The following FAM120AOS variants were observed in gnomAD, a reference collection of about 807,000 sequenced individuals.
FAM120AOS encodes family with sequence similarity 120 member A opposite strand.
FAM120AOS carries 15 observed loss-of-function variants against 20.2 expected under a neutral mutation model. The observed-to-expected ratio is 0.74, with a 90% CI of 0.50 to 1.15. The LOEUF is 1.15. Among genes scored for constraint, FAM120AOS ranks in the 50% most tolerant of loss-of-function variants. FAM120AOS has a pLI of 0.00. For missense variants in FAM120AOS, 327 were observed against 351.9 expected, an observed-to-expected ratio of 0.93 and a Z score of 0.57; for synonymous variants, 154 against 154.0, an observed-to-expected ratio of 1.00 and a Z score of 0.00.
chr9:93,452,517 G>A lies in FAM120AOS; in HGVS notation c.193C>T (p.Arg65Trp), dbSNP rs372504822. The change falls in exon 1 of 3, where the codon CGG (arginine) becomes TGG (tryptophan). Residue 65 changes from arginine to tryptophan, a missense_variant. Coordinates refer to ENST00000375412, the MANE Select transcript of FAM120AOS (RefSeq NM_198841.4). The surrounding 1 kb of genome is among the most constrained non-coding windows in gnomAD (Gnocchi z 7.0). ...ILQPGPARLS[R>W]ARAGGTRCPQ... ...CAGCGAGTTCCCCCAGCCCTTGCCC[G>A]GGATAGCCTGGCCGGGCCGGGCTGC... 35 of 1,552,644 alleles carry A rather than the reference G, an allele frequency of 2.3e-5. 3 individuals are homozygous for A. The highest frequency in any genetic ancestry group is 1.5e-4 in the African/African-American group (11 of 73,756).
In FAM120AOS at chr9:93,453,019, T is replaced by C. The variant is rs372296388; in HGVS notation, c.-310A>G. On this transcript the variant is annotated 5_prime_UTR_variant, in exon 1 of 3. Transcript: ENST00000375412. ...GGTGTTTAGAGAATCTTTCTATGGC[T>C]TTTTGTGTTAGATTTCAAAGACCCG... is the stretch of plus-strand genomic sequence containing the variant. The C allele has an allele frequency of 2.7e-5, 32 of 1,183,388 alleles. No homozygotes were observed. The East Asian group carries it at 3.4e-4, about 12-fold the overall frequency. The allele number at this position is 1,183,388 out of a possible 1,614,324, so 73.3% of individuals were successfully genotyped here.
chr9:93,451,275 C>G, intron 1 of FAM120AOS: 1 of 1,479,968 alleles, frequency 6.8e-7, no homozygotes, highest in Non-Finnish European at 9.0e-7. Context: ...GGCTCCCCTT[C>G]AAAGCGCCAT....
chr9:93,449,892 C>A (rs1358023172), intron 2 of FAM120AOS, among the ~76,000 whole-genome samples: 3 of 152,232 alleles, frequency 2.0e-5, no homozygotes, highest in Non-Finnish European at 4.4e-5. Flanking sequence ...AACTACTACT[C>A]CTCACCTTGT....
intron 1 of FAM120AOS, chr9:93,451,164 T>TCCCGGAC: frequency 6.5e-7 from 1 of 1,550,220 alleles, no homozygotes; most frequent in Non-Finnish European, 8.7e-7. Flanking sequence ...CATCCCGCTC[T>TCCCGGAC]CCCGGACCCC....
chr9:93,446,374 AG>A lies in FAM120AOS; in HGVS notation c.*1236del, dbSNP rs529947283. ...TATGAGAGACTTGCTTCCTCTGGAA[AG>A]ATCTTTATGGTTTACACAAATGTAA... On this transcript the variant is annotated 3_prime_UTR_variant, in exon 3 of 3. Coordinates refer to ENST00000375412, the MANE Select transcript of FAM120AOS (RefSeq NM_198841.4). The A allele has an allele frequency of 9.8e-5, 15 of 152,318 alleles. No homozygotes were observed. The highest frequency in any genetic ancestry group is 3.4e-4 in the African/African-American group (14 of 41,572). 9.4% of individuals were successfully genotyped at this position (152,318 alleles called of 1,614,324 possible). A position where few individuals can be genotyped will look rare whatever the true frequency, so the allele number is the denominator to read the frequency against.
Position 93,452,679 on chromosome 9 carries a change from C to T in FAM120AOS, c.31G>A (p.Asp11Asn), listed in dbSNP as rs1432519230. The T allele has an allele frequency of 4.4e-6, 7 of 1,598,652 alleles. No homozygotes were observed. The highest frequency in any genetic ancestry group is 5.9e-6 in the Non-Finnish European group (7 of 1,179,924). ...GACCAGAATTCGGAGGCGACAGTGT[C>T]ATCATCCCCAATATCCTTAGTTTTT... MGKTKDIGDD[D>N]TVASEFWSGA... The change falls in exon 1 of 3, where the codon GAC becomes AAC. Residue 11 changes from aspartate to asparagine, a missense_variant. Asp to Asn is a conservative substitution (Grantham distance 23, BLOSUM62 1). Around this residue, in one of 3 missense-constraint regions of FAM120AOS, gnomAD observed 155 missense variants for 128.8 expected, o/e 1.20. Transcript: ENST00000375412. This position sits in a 1 kb window ranked among gnomAD's most constrained non-coding sequence, Gnocchi z 7.0.
rs1857359761 is a variant in FAM120AOS at position 93,453,152 on chromosome 9, A to C, written c.-443T>G. On this transcript the variant is annotated 5_prime_UTR_variant, in exon 1 of 3. Transcript: ENST00000375412. ...AGATCCCATGCGAAAGGAGTCGCTC[A>C]AAATCAGGGGGCGAACTACGCGGGC... is the stretch of plus-strand genomic sequence containing the variant. 1 of 1,003,420 alleles carries C rather than the reference A, an allele frequency of 1.0e-6. No homozygotes were observed. The highest frequency in any genetic ancestry group is 1.7e-5 in the African/African-American group (1 of 57,484). The allele number at this position is 1,003,420 out of a possible 1,614,324, so 62.2% of individuals were successfully genotyped here.
intron 2 of FAM120AOS, among the ~76,000 whole-genome samples, chr9:93,448,079 C>A (rs1041770089): frequency 2.0e-5 from 3 of 152,224 alleles, no homozygotes; most frequent in Non-Finnish European, 2.9e-5. Flanking sequence ...GTCTGCTGGT[C>A]TCCCAACATC....
rs371697282 is a variant in FAM120AOS at position 93,443,477 on chromosome 9, A to G, written c.*4134T>C. 6.6e-6 allele frequency among the ~76,000 whole-genome samples: 1 copy of G among 152,366 alleles called. No homozygotes were observed. Among genetic ancestry groups the G allele is most frequent in the East Asian group, 1.9e-4 (1 of 5,196 alleles). ...CAGCACATGGCAGTTTCAGGTTGGA[A>G]GGTCATTTTTACAGTTCTGAACTGC... On this transcript the variant is annotated 3_prime_UTR_variant, in exon 3 of 3. Coordinates refer to ENST00000375412, the MANE Select transcript of FAM120AOS (RefSeq NM_198841.4).
At chr9:93,451,649 G>GC in intron 1 of FAM120AOS, 1 of 978,364 alleles carries the variant, frequency 1.0e-6, no homozygotes, top group Non-Finnish European at 1.2e-6. Context: ...AGCGCCGCCC[G>GC]CCCGCCCCGC....
chr9:93,449,429 A>C (rs145588998), intron 2 of FAM120AOS, among the ~76,000 whole-genome samples: 3 of 151,588 alleles, frequency 2.0e-5, no homozygotes, highest in Non-Finnish European at 4.4e-5. Flanking sequence ...AGAACCTTAG[A>C]CCTCTACAAT....
chr9:93,451,680 T>C, intron 1 of FAM120AOS: 1 of 961,638 alleles, frequency 1.0e-6, no homozygotes, highest in Non-Finnish European at 1.2e-6. Flanking sequence ...AGCCTCGGCC[T>C]CGGCCTCGGC....
At position 93,452,808 on chromosome 9, in the gene FAM120AOS, G is replaced by C. The variant is rs1857330164; in HGVS notation, c.-99C>G. 6.3e-7 allele frequency: 1 copy of C among 1,583,920 alleles called. No individual in the cohort carries two copies. The highest frequency in any genetic ancestry group is 1.3e-5 in the African/African-American group (1 of 74,472). On this transcript the variant is annotated 5_prime_UTR_variant, in exon 1 of 3. Transcript: ENST00000375412. The surrounding 1 kb of genome is among the most constrained non-coding windows in gnomAD (Gnocchi z 7.0). ...CTTTCCCAGCAACAGGTTCATCTTGGAAGCAGGCAGGATACAGAGTAATAG... is the reference window on the plus strand; with the variant it reads ...CTTTCCCAGCAACAGGTTCATCTTGCAAGCAGGCAGGATACAGAGTAATAG...
chr9:93,453,530 T>C lies in FAM120AOS; in HGVS notation c.-821A>G, dbSNP rs1857387066. ...CTGGAGCTGAAAGTTTGTGAAATTCTGTCTTCGCGGTTGCCCCCACTGCCC... is the reference window on the plus strand; with the variant it reads ...CTGGAGCTGAAAGTTTGTGAAATTCCGTCTTCGCGGTTGCCCCCACTGCCC... On this transcript the variant is annotated 5_prime_UTR_variant, in exon 1 of 3. Transcript: ENST00000375412. 4 of 985,484 alleles carry C rather than the reference T, an allele frequency of 4.1e-6. No individual in the cohort carries two copies. In the African/African-American group the frequency reaches 5.2e-5, roughly 13 times the overall value. The allele number at this position is 985,484 out of a possible 1,614,324, so 61.0% of individuals were successfully genotyped here.
At position 93,447,716 on chromosome 9, in the gene FAM120AOS, A is replaced by C. The variant is rs1263996773; in HGVS notation, c.685-19T>G. The C allele has an allele frequency of 3.4e-6, 5 of 1,483,318 alleles. No homozygotes were observed. Among genetic ancestry groups the C allele is most frequent in the Non-Finnish European group, 4.7e-6 (5 of 1,063,172 alleles). The allele number at this position is 1,483,318 out of a possible 1,614,324, so 91.9% of individuals were successfully genotyped here. A position where few individuals can be genotyped will look rare whatever the true frequency, so the allele number is the denominator to read the frequency against. On this transcript the variant is annotated intron_variant, in intron 2 of 2. Transcript: ENST00000375412. ...TGGAAATCTGAAAAGAAAAAAAAAA[A>C]GGTAGTTTATATATTAGTTTGGAAT... is the stretch of plus-strand genomic sequence containing the variant.
intron 1 of FAM120AOS, 148 bp from the exon 2 acceptor site, chr9:93,450,747 C>G (rs1180650722): frequency 2.4e-6 from 3 of 1,273,956 alleles, no homozygotes; most frequent in Non-Finnish European, 3.3e-6. Context: ...CATACAGTAT[C>G]AACCTCATTT....
chr9:93,451,159 C>T (rs1307707959), intron 1 of FAM120AOS: 7 of 1,550,256 alleles, frequency 4.5e-6, no homozygotes, highest in African/African-American at 4.1e-5. Flanking sequence ...GCCAGCATCC[C>T]GCTCTCCCGG....
rs1856793739 is a variant in FAM120AOS, at chr9:93,444,793, T to C, written c.*2818A>G. Among the ~76,000 whole-genome samples, 1 of 152,034 alleles carries C rather than the reference T, an allele frequency of 6.6e-6. No homozygotes were observed. The highest frequency in any genetic ancestry group is 6.5e-5 in the Admixed American group (1 of 15,272). On this transcript the variant is annotated 3_prime_UTR_variant, in exon 3 of 3. Coordinates refer to ENST00000375412, the MANE Select transcript of FAM120AOS (RefSeq NM_198841.4). ...CCACGCCTAGCTGATTTTGTATTTT[T>C]AGTAGAGACAGGGTTTCTCCATGTT...
At position 93,452,375 on chromosome 9, in the gene FAM120AOS, C is replaced by G; in HGVS notation, c.335G>C (p.Arg112Pro). ...RIPGLTLTWK[R>P]MSARRMQWAM... ...CCACTGCATCCGCCTGGCGCTCATC[C>G]GCTTCCACGTCAAGGTGAGGCCGGG... Residue 112 changes from arginine to proline, a missense_variant, in exon 1 of 3, where the codon CGG becomes CCG. Arg to Pro is a moderately radical substitution (Grantham distance 103). This residue lies in a region of FAM120AOS where 86 missense variants were observed against 140.2 expected (regional missense o/e 0.61). Coordinates refer to ENST00000375412, the MANE Select transcript of FAM120AOS (RefSeq NM_198841.4). The surrounding 1 kb of genome is among the most constrained non-coding windows in gnomAD (Gnocchi z 7.0). The G allele has an allele frequency of 6.2e-7, 1 of 1,609,112 alleles. No homozygotes were observed. The highest frequency in any genetic ancestry group is 8.5e-7 in the Non-Finnish European group (1 of 1,178,368).
Sources: allele counts gnomAD v4.1 joint callset (sites outside exome capture counted in the v4.1 genomes callset), GRCh38; gene constraint gnomAD v4.1.1; regional missense constraint gnomAD v4.1.1; non-coding constraint Gnocchi (gnomAD v3.1); transcripts MANE v1.5; gene names NCBI Gene and HGNC (gene_info 2026-07-23, HGNC 2026-07-21).